Variants in NOP14 observed in about 807,000 individuals in gnomAD.
NOP14 encodes the protein NOP14 nucleolar protein.
In NOP14, 57 loss-of-function variants were observed where a neutral mutation model predicts 101.6. That is an observed-to-expected ratio of 0.56 (90% confidence interval 0.45 to 0.70). The LOEUF is 0.70. Among genes scored for constraint, NOP14 ranks in the 30% least tolerant of loss-of-function variants. The probability of loss-of-function intolerance (pLI) is 0.00; values close to 1 mark genes in which losing one functional copy is unlikely to be tolerated. For synonymous variants in NOP14, 428 were observed against 424.0 expected (o/e 1.01, Z -0.12); for missense variants, 1,134 against 1,075.5 (o/e 1.05, Z -0.76).
intron 1 of NOP14, among the ~76,000 whole-genome samples, chr4:2,962,456 G>A (rs547190805): frequency 2.6e-4 from 39 of 152,260 alleles, no homozygotes; most frequent in African/African-American, 7.5e-4. Flanking sequence ...ATGAAGGCAA[G>A]GGCAAGTCTT....
rs1319826012 is a variant in NOP14 at position 2,960,727 on chromosome 4, CATTAAT to C, written c.195+2392_195+2397del. Among the ~76,000 whole-genome samples the C allele has an allele frequency of 1.9e-3, 149 of 80,204 alleles. 6 individuals are homozygous for C. Among genetic ancestry groups the C allele is most frequent in the African/African-American group, 6.2e-3 (135 of 21,904 alleles). 52.6% of individuals were successfully genotyped at this position (80,204 alleles called of 152,430 possible). On this transcript the variant is annotated intron_variant, in intron 1 of 17. Transcript: ENST00000416614. ...TATTAATATATTAATATTATAATCA[CATTAAT>C]ATTAATATATTAATATTATAATCAC...
In NOP14 at chr4:2,941,713, C is replaced by T. The variant is rs1714209464; in HGVS notation, c.2068G>A (p.Val690Met). The change falls in exon 15 of 18, where the codon GTG (valine) becomes ATG (methionine). Residue 690 changes from valine (V) to methionine (M), a missense_variant. Coordinates refer to ENST00000416614, the MANE Select transcript of NOP14 (RefSeq NM_001291978.2). ...CAGCGCTTCAGCAGGGCCAGGCCCA[C>T]AGCCAGGCAGGACAGTCTGTGAGGG... ...ANHIRLSCLA[V>M]GLALLKRCVL... The T allele has an allele frequency of 1.2e-6, 2 of 1,612,732 alleles. No individual in the cohort carries two copies. The highest frequency in any genetic ancestry group is 2.2e-5 in the East Asian group (1 of 44,850).
At position 2,938,531 on chromosome 4, in the gene NOP14, CA is replaced by C. The variant is rs1713852897; in HGVS notation, c.*299del. ...AAAAAAAAAATTTTTTTTTAAGCGA[CA>C]CAGTCTTGCACTGTGGCCGAGGCTG... On this transcript the variant is annotated 3_prime_UTR_variant, in exon 18 of 18. Transcript: ENST00000416614. 46 of 393,914 alleles carry C rather than the reference CA, an allele frequency of 1.2e-4. 1 individual carries two copies. The highest frequency in any genetic ancestry group is 1.2e-3 in the South Asian group (46 of 39,760). 24.4% of individuals were successfully genotyped at this position (393,914 alleles called of 1,614,324 possible). A position where few individuals can be genotyped will look rare whatever the true frequency, so the allele number is the denominator to read the frequency against.
chr4:2,951,634 C>G (rs1715035188), intron 6 of NOP14, among the ~76,000 whole-genome samples: 1 of 152,022 alleles, frequency 6.6e-6, no homozygotes, highest in African/African-American at 2.4e-5. Flanking sequence ...ACACACTGGA[C>G]ACGGGAAGAA....
In NOP14 at chr4:2,943,980, C is replaced by T. The variant is rs576775927; in HGVS notation, c.1891+93G>A. 128 of 1,050,282 alleles carry T rather than the reference C, an allele frequency of 1.2e-4. No homozygotes were observed. In the South Asian group the frequency reaches 1.9e-3, roughly 15 times the overall value. 65.1% of individuals were successfully genotyped at this position (1,050,282 alleles called of 1,614,324 possible). ...GCAGGTTGTGTGTTTCCTCTACTTT[C>T]GCATATTCTAAACTTTCTACAATGA... On this transcript the variant is annotated intron_variant, in intron 13 of 17. Coordinates refer to ENST00000416614, the MANE Select transcript of NOP14 (RefSeq NM_001291978.2).
Position 2,941,679 on chromosome 4 carries a change from A to T in NOP14, c.2102T>A (p.Met701Lys). The change falls in exon 15 of 18, where the codon ATG becomes AAG. Residue 701 changes from methionine to lysine, a missense_variant. Met to Lys is a moderately conservative substitution (Grantham distance 95). Coordinates refer to ENST00000416614, the MANE Select transcript of NOP14 (RefSeq NM_001291978.2). ...GTGGAAGGATGGCAGGGACCCGTAC[A>T]TGAGCACGCAGCGCTTCAGCAGGGC... Reference protein sequence around the residue: ...GLALLKRCVLMYGSLPSFHAI... With the variant: ...GLALLKRCVLKYGSLPSFHAI... 1 of 1,613,290 alleles carries T rather than the reference A, an allele frequency of 6.2e-7. No homozygotes were observed. Among genetic ancestry groups the T allele is most frequent in the Non-Finnish European group, 8.5e-7 (1 of 1,179,906 alleles).
chr4:2,945,356 C>G (rs1714545652), intron 11 of NOP14, 127 bp from the exon 12 acceptor site: 1 of 707,060 alleles, frequency 1.4e-6, no homozygotes, highest in Non-Finnish European at 2.4e-6. Context: ...TGGCCCAGAG[C>G]TCTGGCCTCA....
In NOP14 at chr4:2,946,486, G is replaced by A. The variant is rs996089859; in HGVS notation, c.1561C>T (p.Leu521Phe). 5.0e-6 allele frequency: 8 copies of A among 1,614,070 alleles called. No homozygotes were observed. The African/African-American group carries it at 9.3e-5, about 19-fold the overall frequency. The part of the protein sequence containing the change: ...ESASDAIKFV[L>F]RDAMHEMEEM... ...TCCATCTCATGCATCGCATCTCGGA[G>A]AACAAATTTGATAGCGTCACTTGCA... Residue 521 changes from leucine to phenylalanine, a missense_variant, in exon 11 of 18, where the codon CTC (leucine) becomes TTC (phenylalanine). Transcript: ENST00000416614.
rs1318134777 is a variant in NOP14, at chr4:2,939,342, G to C, written c.2320C>G (p.Leu774Val). Residue 774 changes from leucine (L) to valine (V), a missense_variant and splice_region_variant, in exon 17 of 18, where the codon CTC (leucine) becomes GTC (valine). Physicochemically the swap from Leu to Val is conservative, Grantham distance 32. Transcript: ENST00000416614. ...KLFTPRLVKVLEFGRKQGSSK... is the reference protein window; with the variant it reads ...KLFTPRLVKVVEFGRKQGSSK... ...CTGCCTTGTTTTCTTCCAAACTCGA[G>C]GCTACAACCAGAAAGCCACTGTTAA... 6 of 1,613,888 alleles carry C rather than the reference G, an allele frequency of 3.7e-6. No individual in the cohort carries two copies. Among genetic ancestry groups the C allele is most frequent in the African/African-American group, 1.3e-5 (1 of 74,908 alleles).
chr4:2,962,280 AC>A (rs1716058338), intron 1 of NOP14, among the ~76,000 whole-genome samples: 2 of 152,108 alleles, frequency 1.3e-5, no homozygotes, highest in South Asian at 4.2e-4. Flanking sequence ...TTATTCTCCC[AC>A]CCCGGCCCGG....
rs902824635 is a variant in NOP14, at chr4:2,956,897, C to T, written c.331-86G>A. ...AAGATAAGGTAGATATATATATTTC[C>T]ATTATATTTGAAATATGACAACGAA... On this transcript the variant is annotated intron_variant, in intron 2 of 17. Coordinates refer to ENST00000416614, the MANE Select transcript of NOP14 (RefSeq NM_001291978.2). The T allele has an allele frequency of 4.3e-6, 5 of 1,174,856 alleles. No homozygotes were observed. The African/African-American group carries it at 4.7e-5, about 11-fold the overall frequency. The allele number at this position is 1,174,856 out of a possible 1,614,324, so 72.8% of individuals were successfully genotyped here. A position where few individuals can be genotyped will look rare whatever the true frequency, so the allele number is the denominator to read the frequency against.
intron 17 of NOP14, 107 bp from the exon 18 acceptor site, chr4:2,939,037 G>A: frequency 6.8e-7 from 1 of 1,474,860 alleles, no homozygotes; most frequent in Non-Finnish European, 9.5e-7. Context: ...GCCACGTTCA[G>A]TTCAAACAGG....
chr4:2,938,727 C>G lies in NOP14; in HGVS notation c.*104G>C. The G allele has an allele frequency of 2.2e-6, 2 of 911,270 alleles. No individual in the cohort carries two copies. Among genetic ancestry groups the G allele is most frequent in the South Asian group, 3.1e-5 (2 of 64,094 alleles). The allele number at this position is 911,270 out of a possible 1,614,324, so 56.4% of individuals were successfully genotyped here. On this transcript the variant is annotated 3_prime_UTR_variant, in exon 18 of 18. Coordinates refer to ENST00000416614, the MANE Select transcript of NOP14 (RefSeq NM_001291978.2). Reference sequence around the variant, plus strand: ...CTTCCTGTGTTGCCCAGGCTGGTCTCGAACTCCTGGGCTGAAGCAATCTTC... The same window carrying G: ...CTTCCTGTGTTGCCCAGGCTGGTCTGGAACTCCTGGGCTGAAGCAATCTTC...
At chr4:2,942,869 GAGA>G (rs1008501458) in intron 13 of NOP14, among the ~76,000 whole-genome samples, 1 of 152,166 alleles carries the variant, frequency 6.6e-6, no homozygotes, top group Non-Finnish European at 1.5e-5. Context: ...ACTCGCCACG[GAGA>G]AGGGCAATCC....
At chr4:2,958,600 C>T (rs1346201466) in intron 1 of NOP14, among the ~76,000 whole-genome samples, 3 of 152,234 alleles carry the variant, frequency 2.0e-5, no homozygotes, top group East Asian at 1.9e-4. Context: ...CACCACAAAT[C>T]GGTGCCTCGG....
At chr4:2,948,177 T>C (rs1287213854) in intron 9 of NOP14, 101 bp downstream of exon 9, 2 of 1,410,434 alleles carry the variant, frequency 1.4e-6, no homozygotes, top group Non-Finnish European at 1.9e-6. Flanking sequence ...CCATCTGGCC[T>C]GAGGCACACA....
At chr4:2,957,497 C>A in intron 2 of NOP14, 109 bp downstream of exon 2, 1 of 1,346,670 alleles carries the variant, frequency 7.4e-7, no homozygotes, top group East Asian at 2.3e-5. Flanking sequence ...ATCCCCTGGA[C>A]CTTCCGAGTG....
At chr4:2,945,902 C>T (rs1452817304) in intron 11 of NOP14, among the ~76,000 whole-genome samples, 3 of 152,162 alleles carry the variant, frequency 2.0e-5, no homozygotes, top group Non-Finnish European at 4.4e-5. Context: ...CTCCCAGGCT[C>T]GCTGCCGTGC....
At chr4:2,947,682 T>G (rs781347744) in intron 9 of NOP14, 71 bp from the exon 10 acceptor site, 43 of 1,248,772 alleles carry the variant, frequency 3.4e-5, no homozygotes, top group Middle Eastern at 3.7e-4. Context: ...GCACACAGCT[T>G]CTGGATCACG....
Sources: allele counts gnomAD v4.1 joint callset (sites outside exome capture counted in the v4.1 genomes callset), GRCh38; gene constraint gnomAD v4.1.1; transcripts MANE v1.5; gene names NCBI Gene and HGNC (gene_info 2026-07-23, HGNC 2026-07-21).